The following KIF4A variants were observed in gnomAD, a reference collection of about 807,000 sequenced individuals.
KIF4A encodes kinesin family member 4A, also known as chromosome-associated kinesin KIF4A.
In KIF4A, 7 loss-of-function variants were observed where a neutral mutation model predicts 105.9. The ratio of observed to expected loss-of-function variants is 0.07; its 90% CI spans 0.04 to 0.12. The LOEUF (loss-of-function observed/expected upper bound fraction) is 0.12. Ranked by LOEUF, KIF4A falls within the 10% of genes least tolerant of loss-of-function variation. The pLI, the probability that KIF4A is intolerant of heterozygous loss-of-function variation, is 1.00. For missense variants in KIF4A, 558 were observed against 929.2 expected, an observed-to-expected ratio of 0.60 and a Z score of 5.19; for synonymous variants, 281 against 331.3, an observed-to-expected ratio of 0.85 and a Z score of 1.65.
intron 7 of KIF4A, among the ~76,000 whole-genome samples, chrX:70,320,701 A>AAG (rs1190525134): frequency 3.6e-5 from 4 of 111,951 alleles, no homozygotes; most frequent in Non-Finnish European, 5.6e-5. Flanking sequence ...CGAGGGGAAG[A>AAG]AGAGAGAGGT....
At position 70,419,049 on chromosome X, in the gene KIF4A, C is replaced by T. The variant is rs918843800; in HGVS notation, c.3373-612C>T. On this transcript the variant is annotated intron_variant, in intron 29 of 30. Transcript: ENST00000374403. ...GCAGTGAGCTGAGATCGTGCCACTG[C>T]ACTCCAGCCTCAGCGACAGAGCGAG... Among the ~76,000 whole-genome samples, 5 of 107,065 alleles carry T rather than the reference C, an allele frequency of 4.7e-5. No individual in the cohort carries two copies. The East Asian group carries it at 1.5e-3, about 31-fold the overall frequency. 93.0% of individuals were successfully genotyped at this position (107,065 alleles called of 115,157 possible). A position where few individuals can be genotyped will look rare whatever the true frequency, so the allele number is the denominator to read the frequency against.
intron 9 of KIF4A, 147 bp downstream of exon 9, chrX:70,330,479 A>G (rs749747823): frequency 4.0e-6 from 2 of 504,917 alleles, no homozygotes; most frequent in African/African-American, 2.4e-5. Flanking sequence ...AATAACTCCT[A>G]TTAACGTGTT....
chrX:70,352,641 G>A lies in KIF4A; in HGVS notation c.1473G>A (p.Ala491=), dbSNP rs775521170. The A allele has an allele frequency of 1.6e-5, 19 of 1,193,614 alleles. No homozygotes were observed. The highest frequency in any genetic ancestry group is 2.3e-4 in the Middle Eastern group (1 of 4,293). ...GCATGGCTGCAGCCATTGATACTGC[G>A]GTGGAGCAAGAAGCCGTAAGTAATT... The part of the protein sequence containing the change: ...VACMAAAIDT[A]VEQEAQVETS... Residue 491 remains alanine (A), a synonymous_variant, in exon 14 of 31, where the codon GCG becomes GCA. Transcript: ENST00000374403.
At chrX:70,358,438 T>G (rs758792195) in intron 15 of KIF4A, among the ~76,000 whole-genome samples, 77 of 112,132 alleles carry the variant, frequency 6.9e-4, no homozygotes, top group Non-Finnish European at 1.3e-3. Flanking sequence ...GTCTTTTTAT[T>G]CCACTCTGAG....
rs758944486 is a variant in KIF4A at position 70,417,765 on chromosome X, A to G, written c.3256-123A>G. On this transcript the variant is annotated intron_variant, in intron 28 of 30. Transcript: ENST00000374403. ...AAAGAAGAGAGGACTAAGGAGATTG[A>G]AGCTTGGTAGATAATAGTACTTTCC... The G allele has an allele frequency of 1.7e-4, 80 of 468,869 alleles. No individual in the cohort carries two copies. The African/African-American group carries it at 1.9e-3, about 11-fold the overall frequency. The allele number at this position is 468,869 out of a possible 1,213,427, so 38.6% of individuals were successfully genotyped here. A position where few individuals can be genotyped will look rare whatever the true frequency, so the allele number is the denominator to read the frequency against.
chrX:70,294,956 C>G (rs757316818), intron 3 of KIF4A, among the ~76,000 whole-genome samples: 1 of 111,570 alleles, frequency 9.0e-6, no homozygotes, highest in Admixed American at 9.5e-5. Flanking sequence ...TGCCTGTAGT[C>G]CTAGCTACCC....
rs2086358973 is a variant in KIF4A, at chrX:70,419,769, A to G, written c.3481A>G (p.Thr1161Ala). 3 of 1,208,410 alleles carry G rather than the reference A, an allele frequency of 2.5e-6. No homozygotes were observed. Among genetic ancestry groups the G allele is most frequent in the Non-Finnish European group, 3.4e-6 (3 of 894,975 alleles). ...GAGCTTCTTTAATCCCGTCTGTGCC[A>G]CCCCCAATAGCAAGGTAGGTGGGCT... is the stretch of plus-strand genomic sequence containing the variant. ...GLSFFNPVCA[T>A]PNSKILKEMC... Residue 1161 changes from threonine (T) to alanine (A), a missense_variant, in exon 30 of 31, where the codon ACC becomes GCC. Physicochemically the swap from Thr to Ala is moderately conservative, Grantham distance 58. This residue lies in a region of KIF4A where 469 missense variants were observed against 680.4 expected (regional missense o/e 0.69). Coordinates refer to ENST00000374403, the MANE Select transcript of KIF4A (RefSeq NM_012310.5).
intron 15 of KIF4A, chrX:70,362,299 G>C (rs1307147953): frequency 3.0e-6 from 1 of 338,958 alleles, no homozygotes; most frequent in African/African-American, 2.7e-5. Flanking sequence ...TGGAAACTCA[G>C]CTCTTTCTCC....
At chrX:70,344,104 C>A in intron 13 of KIF4A, 122 bp downstream of exon 13, 1 of 505,671 alleles carries the variant, frequency 2.0e-6, no homozygotes, top group Non-Finnish European at 3.4e-6. Context: ...CGCTTTTGGA[C>A]AGAGGTCGTG....
rs138222376 is a variant in KIF4A at position 70,304,649 on chromosome X, C to CTTT, written c.778+2272_778+2274dup. On this transcript the variant is annotated intron_variant, in intron 7 of 30. Coordinates refer to ENST00000374403, the MANE Select transcript of KIF4A (RefSeq NM_012310.5). The stretch of plus-strand genomic sequence containing the variant: ...TGCATCATATATCAGTACTTCATTC[C>CTTT]TTTTTTTTTTTTTTTTTTTTTTTGA... Among the ~76,000 whole-genome samples the CTTT allele has an allele frequency of 8.1e-3, 417 of 51,443 alleles. 7 individuals are homozygous for CTTT. Among genetic ancestry groups the CTTT allele is most frequent in the Non-Finnish European group, 0.01 (324 of 31,180 alleles). The allele number at this position is 51,443 out of a possible 115,157, so 44.7% of individuals were successfully genotyped here. A position where few individuals can be genotyped will look rare whatever the true frequency, so the allele number is the denominator to read the frequency against.
At position 70,378,302 on chromosome X, in the gene KIF4A, G is replaced by A. The variant is rs1241800465; in HGVS notation, c.2034+2092G>A. Reference sequence around the variant, plus strand: ...TCAAGACCAGCCTGGGCAAAATTGTGAGACTGCATCTCAGTTTTTTTTAAT... The same window carrying A: ...TCAAGACCAGCCTGGGCAAAATTGTAAGACTGCATCTCAGTTTTTTTTAAT... On this transcript the variant is annotated intron_variant, in intron 18 of 30. Transcript: ENST00000374403. 5.4e-5 allele frequency among the ~76,000 whole-genome samples: 6 copies of A among 110,592 alleles called. No individual in the cohort carries two copies. In the East Asian group the frequency reaches 1.7e-3, roughly 32 times the overall value.
chrX:70,325,326 G>A (rs931335726), intron 7 of KIF4A, among the ~76,000 whole-genome samples: 2 of 111,125 alleles, frequency 1.8e-5, no homozygotes, highest in African/African-American at 6.6e-5. Flanking sequence ...CACCCAAGCT[G>A]GAGTGCAGTG....
chrX:70,388,122 G>A (rs952514104), intron 20 of KIF4A, among the ~76,000 whole-genome samples: 1 of 110,970 alleles, frequency 9.0e-6, no homozygotes, highest in Non-Finnish European at 1.9e-5. Context: ...CTGTCACTAT[G>A]GATTTGTTTT....
chrX:70,290,121 A>T lies in KIF4A; in HGVS notation c.-51A>T. On this transcript the variant is annotated 5_prime_UTR_variant, in exon 1 of 31. Transcript: ENST00000374403. ...GCTGGGACAGGGCGGCGGGAGGCCC[A>T]GGGAGAACGGGGAAGGGACATTTAG... 1 of 168,332 alleles carries T rather than the reference A, an allele frequency of 5.9e-6. No homozygotes were observed. 13.9% of individuals were successfully genotyped at this position (168,332 alleles called of 1,213,427 possible). A position where few individuals can be genotyped will look rare whatever the true frequency, so the allele number is the denominator to read the frequency against.
intron 15 of KIF4A, among the ~76,000 whole-genome samples, chrX:70,354,699 G>A (rs964522018): frequency 3.6e-5 from 4 of 112,005 alleles, no homozygotes; most frequent in Admixed American, 2.8e-4. Context: ...GAGAACAGTG[G>A]ACAAGAGAGG....
chrX:70,402,626 AAAACAACGCTGGGAG>A lies in KIF4A; in HGVS notation c.2553_2567del (p.Lys851_Glu855del). 1 of 1,211,929 alleles carries A rather than the reference AAAACAACGCTGGGAG, an allele frequency of 8.3e-7. No individual in the cohort carries two copies. Among genetic ancestry groups the A allele is most frequent in the Non-Finnish European group, 1.1e-6 (1 of 895,471 alleles). On this transcript the variant is annotated inframe_deletion, in exon 23 of 31. Transcript: ENST00000374403. The stretch of plus-strand genomic sequence containing the variant: ...TGGATGCAGAAAGTGAAGACAGACC[AAAACAACGCTGGGAG>A]AATATTGCCACCATTCTGGAAGCCA...
chrX:70,411,921 CT>C (rs2086323746), intron 28 of KIF4A, among the ~76,000 whole-genome samples: 1 of 110,390 alleles, frequency 9.1e-6, no homozygotes, highest in South Asian at 3.9e-4. Flanking sequence ...AAGAGTCCCC[CT>C]ATTACTTCTC....
At chrX:70,416,159 G>A (rs1455047721) in intron 28 of KIF4A, among the ~76,000 whole-genome samples, 2 of 108,752 alleles carry the variant, frequency 1.8e-5, no homozygotes, top group African/African-American at 3.4e-5. Context: ...GAGCCACTGC[G>A]CCCAGCCAGG....
intron 3 of KIF4A, among the ~76,000 whole-genome samples, chrX:70,291,067 G>A (rs1239268656): frequency 4.5e-5 from 5 of 111,249 alleles, no homozygotes; most frequent in Non-Finnish European, 9.4e-5. Context: ...TATAAACTCT[G>A]TGGTGGTTGC....
Sources: allele counts gnomAD v4.1 joint callset (sites outside exome capture counted in the v4.1 genomes callset), GRCh38; gene constraint gnomAD v4.1.1; regional missense constraint gnomAD v4.1.1; transcripts MANE v1.5; gene names NCBI Gene and HGNC (gene_info 2026-07-23, HGNC 2026-07-21).